The following OPN5 variants were observed in gnomAD, a reference collection of about 807,000 sequenced individuals.
The protein encoded by OPN5 is opsin 5.
A neutral mutation model predicts 41.7 loss-of-function variants in OPN5; 18 were observed. The observed-to-expected ratio is 0.43, with a 90% CI of 0.30 to 0.64. OPN5 has a LOEUF of 0.64. Among genes scored for constraint, OPN5 ranks in the 30% least tolerant of loss-of-function variants. OPN5 has a pLI of 0.13. For synonymous variants in OPN5, 178 were observed against 164.3 expected, an observed-to-expected ratio of 1.08 and a Z score of -0.64; for missense variants, 318 against 434.5, an observed-to-expected ratio of 0.73 and a Z score of 2.38.
At chr6:47,825,697 A>G (rs1762771578), downstream of OPN5, 1 of 152,220 alleles carries the variant, frequency 6.6e-6, no homozygotes, top group African/African-American at 2.4e-5. Context: ...TCTGGCAGGA[A>G]TATGACAGAA....
intron 4 of OPN5, among the ~76,000 whole-genome samples, chr6:47,801,535 G>T (rs1328983): frequency 0.14 from 20,625 of 152,108 alleles, 1,485 homozygotes; most frequent in Middle Eastern, 0.16. Context: ...TCATGGGAAA[G>T]TTGAACTGTA....
At chr6:47,792,088 G>T (rs1773392859) in intron 3 of OPN5, 116 bp downstream of exon 3, 3 of 696,650 alleles carry the variant, frequency 4.3e-6, no homozygotes, top group South Asian at 2.0e-5. Flanking sequence ...CAGAGATCAA[G>T]AATATTTCTA....
intron 6 of OPN5, among the ~76,000 whole-genome samples, chr6:47,816,078 A>G (rs1762420782): frequency 6.6e-6 from 1 of 152,066 alleles, no homozygotes; most frequent in Non-Finnish European, 1.5e-5. Flanking sequence ...GTTTTGTTTT[A>G]TTTTGGTTTT....
At chr6:47,816,568 T>C (rs953493465) in intron 6 of OPN5, among the ~76,000 whole-genome samples, 3 of 152,116 alleles carry the variant, frequency 2.0e-5, no homozygotes, top group Admixed American at 1.3e-4. Flanking sequence ...GCCAGGTGAT[T>C]TGGGGCAGTG....
intron 4 of OPN5, among the ~76,000 whole-genome samples, chr6:47,796,534 C>G (rs1773577733): frequency 6.6e-6 from 1 of 151,784 alleles, no homozygotes; most frequent in South Asian, 2.1e-4. Context: ...CTAATTTAAC[C>G]CCCCAAATTT....
chr6:47,789,568 CT>C (rs1220855960), intron 2 of OPN5, among the ~76,000 whole-genome samples: 16 of 152,246 alleles, frequency 1.1e-4, no homozygotes, highest in Admixed American at 2.6e-4. Flanking sequence ...TTATTTTACA[CT>C]CCATTTCCTT....
chr6:47,824,237 C>T (rs529808553), exon 7 of OPN5: 126 of 553,490 alleles, frequency 2.3e-4, no homozygotes, highest in African/African-American at 1.9e-3. Flanking sequence ...CAGAAACCCA[C>T]GCTTTAAACA....
At chr6:47,792,351 A>T (rs573013447) in intron 3 of OPN5, among the ~76,000 whole-genome samples, 38 of 152,350 alleles carry the variant, frequency 2.5e-4, no homozygotes, top group African/African-American at 8.4e-4. Context: ...TTATAAGAAA[A>T]GCTGTTTAAG....
intron 5 of OPN5, among the ~76,000 whole-genome samples, chr6:47,810,943 T>C (rs554583316): frequency 1.1e-3 from 174 of 152,256 alleles, no homozygotes; most frequent in Admixed American, 2.0e-3. Context: ...TTTGTCTGGA[T>C]TGGTCTTGAG....
At chr6:47,791,411 C>G (rs150244181) in intron 2 of OPN5, among the ~76,000 whole-genome samples, 1 of 152,260 alleles carries the variant, frequency 6.6e-6, no homozygotes, top group African/African-American at 2.4e-5. Flanking sequence ...TCCCCTTTCT[C>G]TAAGCCTTCG....
chr6:47,782,294 G>C, intron 1 of OPN5, 98 bp downstream of exon 1: 1 of 1,164,374 alleles, frequency 8.6e-7, no homozygotes, highest in Admixed American at 2.0e-5. Context: ...TAAGTGGATA[G>C]TTTAGTGGAG....
chr6:47,819,371 TAAGTAGAA>T (rs1359610104), intron 6 of OPN5, among the ~76,000 whole-genome samples: 252 of 46,974 alleles, frequency 5.4e-3, no homozygotes, highest in East Asian at 8.3e-3. Context: ...TATTACCGTA[TAAGTAGAA>T]ATATATATAT....
intron 6 of OPN5, among the ~76,000 whole-genome samples, chr6:47,821,941 C>A (rs1011984079): frequency 6.6e-6 from 1 of 151,930 alleles, no homozygotes; most frequent in Non-Finnish European, 1.5e-5. Flanking sequence ...GGCAAAACCC[C>A]TCTCTACTAA....
chr6:47,795,184 T>C (rs753095819), intron 3 of OPN5, 45 bp from the exon 4 acceptor site: 6 of 1,400,888 alleles, frequency 4.3e-6, no homozygotes, highest in East Asian at 2.4e-5. Flanking sequence ...GGTATCTGGG[T>C]GTAGGGCAGA....
intron 2 of OPN5, among the ~76,000 whole-genome samples, chr6:47,790,821 ATATAACC>A (rs1773347147): frequency 6.6e-6 from 1 of 152,162 alleles, no homozygotes; most frequent in African/African-American, 2.4e-5. Context: ...TTTCTCTGAT[ATATAACC>A]TCTCTCTTTC....
chr6:47,784,472 T>C (rs1389256719), intron 1 of OPN5, among the ~76,000 whole-genome samples: 1 of 151,992 alleles, frequency 6.6e-6, no homozygotes, highest in Non-Finnish European at 1.5e-5. Context: ...AATTTTTGTG[T>C]TTTTTAGTAG....
At chr6:47,788,796 A>G (rs1387539777) in intron 2 of OPN5, among the ~76,000 whole-genome samples, 2 of 50,392 alleles carry the variant, frequency 4.0e-5, no homozygotes, top group Non-Finnish European at 7.6e-5. Context: ...GTGTTATATT[A>G]GGATAACCTG....
intron 5 of OPN5, among the ~76,000 whole-genome samples, chr6:47,809,584 C>G (rs955075592): frequency 1.3e-5 from 2 of 152,106 alleles, no homozygotes; most frequent in Non-Finnish European, 2.9e-5. Context: ...TATCTTTGAA[C>G]AAATTAACTA....
chr6:47,786,840 C>A (rs1210414075), intron 2 of OPN5, among the ~76,000 whole-genome samples: 1 of 152,170 alleles, frequency 6.6e-6, no homozygotes, highest in Non-Finnish European at 1.5e-5. Context: ...TTTATTGAGT[C>A]TTTTCTGTGT....
Sources: allele counts gnomAD v4.1 joint callset (sites outside exome capture counted in the v4.1 genomes callset), GRCh38; gene constraint gnomAD v4.1.1; transcripts MANE v1.5; gene names NCBI Gene and HGNC (gene_info 2026-07-23, HGNC 2026-07-21).